Variants in MAGI2 observed in about 807,000 individuals in gnomAD.
MAGI2 encodes membrane associated guanylate kinase, WW and PDZ domain containing 2, also known as membrane-associated guanylate kinase, WW and PDZ domain-containing protein 2.
In MAGI2, 35 loss-of-function variants were observed where a neutral mutation model predicts 133.3. The ratio of observed to expected loss-of-function variants is 0.26; its 90% confidence interval spans 0.20 to 0.35. MAGI2 has a LOEUF of 0.35. MAGI2 is among the 10% of genes least tolerant of loss of function. MAGI2 has a pLI of 1.00. For missense variants in MAGI2, 1,636 were observed against 1,863.4 expected (o/e 0.88, Z 2.25); for synonymous variants, 729 against 710.6 (o/e 1.03, Z -0.41).
intron 3 of MAGI2, among the ~76,000 whole-genome samples, chr7:78,565,129 G>A (rs921377872): frequency 2.0e-5 from 3 of 151,616 alleles, no homozygotes; most frequent in Non-Finnish European, 4.4e-5. Flanking sequence ...AAATGGTTAT[G>A]GTAATACTTA....
intron 6 of MAGI2, among the ~76,000 whole-genome samples, chr7:78,461,353 A>C (rs563052841): frequency 4.6e-5 from 7 of 151,436 alleles, no homozygotes; most frequent in Admixed American, 4.6e-4. Context: ...AAACATTAAA[A>C]ATACAAAAAA....
At chr7:79,040,631 G>C (rs1421482305) in intron 1 of MAGI2, among the ~76,000 whole-genome samples, 1 of 152,176 alleles carries the variant, frequency 6.6e-6, no homozygotes, top group Admixed American at 6.5e-5. Flanking sequence ...CCCAGGTGGA[G>C]GTAATTGGAC....
chr7:78,814,190 A>T (rs1262124045), intron 2 of MAGI2, among the ~76,000 whole-genome samples: 2 of 152,192 alleles, frequency 1.3e-5, no homozygotes, highest in Non-Finnish European at 2.9e-5. Flanking sequence ...AGGCACTCCC[A>T]TGATCCCACC....
chr7:78,058,003 A>ATATATATATATATATG, intron 21 of MAGI2, among the ~76,000 whole-genome samples: 1 of 117,024 alleles, frequency 8.5e-6, no homozygotes. Context: ...ATATATATAT[A>ATATATATATATATATG]TGTATGAGAA....
At chr7:78,823,263 T>G (rs1030991832) in intron 2 of MAGI2, among the ~76,000 whole-genome samples, 2 of 152,110 alleles carry the variant, frequency 1.3e-5, no homozygotes, top group African/African-American at 2.4e-5. Flanking sequence ...AGCTGTGGGT[T>G]GATAGTCTAA....
chr7:78,911,279 T>TTGA (rs1335058604), intron 2 of MAGI2, among the ~76,000 whole-genome samples: 2 of 152,162 alleles, frequency 1.3e-5, no homozygotes, highest in African/African-American at 4.8e-5. Flanking sequence ...AAGTCACAAA[T>TTGA]TGATTGATTA....
intron 1 of MAGI2, among the ~76,000 whole-genome samples, chr7:79,330,283 T>C (rs1380211166): frequency 7.0e-6 from 1 of 142,792 alleles, no homozygotes; most frequent in Non-Finnish European, 1.5e-5. Flanking sequence ...AAGCTCCGCC[T>C]TCCAGGTTCA....
At chr7:78,088,223 C>A (rs3807744) in intron 20 of MAGI2, among the ~76,000 whole-genome samples, 32,703 of 152,134 alleles carry the variant, frequency 0.21, 3,862 homozygotes, top group African/African-American at 0.31. Context: ...GATAAGCATT[C>A]GGCTTTGTGC....
intron 1 of MAGI2, chr7:79,343,129 T>C (rs1841033460): frequency 6.6e-6 from 1 of 152,140 alleles, no homozygotes; most frequent in Admixed American, 6.6e-5. Flanking sequence ...AAGTTGCATA[T>C]ACTTATTTTT....
intron 2 of MAGI2, among the ~76,000 whole-genome samples, chr7:78,978,710 T>C (rs375008309): frequency 6.6e-6 from 1 of 151,878 alleles, no homozygotes; most frequent in South Asian, 2.1e-4. Context: ...AGTATTTAAC[T>C]GTTATTACAA....
intron 2 of MAGI2, among the ~76,000 whole-genome samples, chr7:78,851,235 A>G (rs879213838): frequency 7.6e-6 from 1 of 132,146 alleles, no homozygotes; most frequent in Non-Finnish European, 1.6e-5. Context: ...GCCACCTTCA[A>G]TTTTCTCATT....
intron 4 of MAGI2, among the ~76,000 whole-genome samples, chr7:78,505,184 C>A (rs183438758): frequency 6.2e-4 from 95 of 152,192 alleles, no homozygotes; most frequent in African/African-American, 2.3e-3. Flanking sequence ...ATCTTGCTGT[C>A]ACTATTAATT....
At chr7:78,800,317 G>C (rs542250767) in intron 2 of MAGI2, among the ~76,000 whole-genome samples, 3 of 152,212 alleles carry the variant, frequency 2.0e-5, no homozygotes, top group South Asian at 2.1e-4. Context: ...ATGTAGGAGT[G>C]GGGAGGATGA....
At chr7:78,342,524 G>GCACT (rs1238715855) in intron 9 of MAGI2, among the ~76,000 whole-genome samples, 23 of 152,096 alleles carry the variant, frequency 1.5e-4, no homozygotes, top group Non-Finnish European at 2.8e-4. Flanking sequence ...GTTTACTGTG[G>GCACT]CACTATTCAC....
chr7:78,674,251 C>A (rs1378230165), intron 2 of MAGI2, among the ~76,000 whole-genome samples: 1 of 150,238 alleles, frequency 6.7e-6, no homozygotes, highest in Non-Finnish European at 1.5e-5. Flanking sequence ...TTTTTTTACA[C>A]CTGATCATGC....
intron 3 of MAGI2, among the ~76,000 whole-genome samples, chr7:78,522,487 T>A (rs949196332): frequency 6.6e-5 from 10 of 152,204 alleles, no homozygotes; most frequent in Non-Finnish European, 1.3e-4. Context: ...CAAGCAATTC[T>A]TGTGCCTCAG....
intron 3 of MAGI2, chr7:78,616,155 T>A (rs1215968861): frequency 6.6e-6 from 1 of 152,218 alleles, no homozygotes; most frequent in Non-Finnish European, 1.5e-5. Flanking sequence ...GCCTTTACAT[T>A]TCTTTAATGA....
intron 1 of MAGI2, among the ~76,000 whole-genome samples, chr7:79,153,990 A>G (rs1823523801): frequency 6.6e-6 from 1 of 152,208 alleles, no homozygotes; most frequent in Admixed American, 6.5e-5. Flanking sequence ...GCTTCTATCA[A>G]TTACTTTTAA....
At chr7:78,411,520 A>G (rs1228757678) in intron 6 of MAGI2, among the ~76,000 whole-genome samples, 3 of 152,038 alleles carry the variant, frequency 2.0e-5, no homozygotes, top group Non-Finnish European at 4.4e-5. Context: ...TGGCAGACTG[A>G]CCAACTAGAA....
Sources: gnomAD v4.1 joint callset for allele counts (sites outside exome capture counted in the v4.1 genomes callset) on GRCh38, gnomAD v4.1.1 for gene constraint, MANE v1.5 for transcripts, NCBI Gene and HGNC (gene_info 2026-07-23, HGNC 2026-07-21) for gene names.